The following CBFA2T2 variants were observed in gnomAD, a reference collection of about 807,000 sequenced individuals.
CBFA2T2 encodes CBFA2/RUNX1 partner transcriptional co-repressor 2, also known as protein CBFA2T2.
CBFA2T2 carries 11 observed loss-of-function variants against 62.2 expected under a neutral mutation model. The observed-to-expected ratio is 0.18, with a 90% CI of 0.11 to 0.29. The LOEUF is 0.29. Among genes scored for constraint, CBFA2T2 ranks in the 10% least tolerant of loss-of-function variants. The probability of loss-of-function intolerance (pLI) is 1.00; values close to 1 mark genes in which losing one functional copy is unlikely to be tolerated. For missense variants in CBFA2T2, 592 were observed against 774.1 expected, an observed-to-expected ratio of 0.76 and a Z score of 2.79; for synonymous variants, 295 against 287.5, an observed-to-expected ratio of 1.03 and a Z score of -0.27.
At chr20:33,548,045 A>G (rs2146882796) in intron 1 of CBFA2T2, among the ~76,000 whole-genome samples, 1 of 152,074 alleles carries the variant, frequency 6.6e-6, no homozygotes, top group East Asian at 1.9e-4. Flanking sequence ...TGCTGGGATT[A>G]CAGGCATGAG....
chr20:33,602,428 G>A (rs1270752376), intron 1 of CBFA2T2, among the ~76,000 whole-genome samples: 4 of 133,970 alleles, frequency 3.0e-5, no homozygotes, highest in African/African-American at 1.3e-4. Flanking sequence ...CTCTCTGCCA[G>A]TCTCTGATTA....
chr20:33,517,450 G>GTTT (rs773285489), intron 1 of CBFA2T2, among the ~76,000 whole-genome samples: 9 of 129,114 alleles, frequency 7.0e-5, no homozygotes, highest in South Asian at 2.4e-4. Context: ...GGTTTTTTTG[G>GTTT]TGTTTTTTTT....
At chr20:33,501,179 A>C (rs1041771958) in intron 1 of CBFA2T2, among the ~76,000 whole-genome samples, 1 of 152,198 alleles carries the variant, frequency 6.6e-6, no homozygotes, top group Non-Finnish European at 1.5e-5. Context: ...CTTTCAGTCA[A>C]ATTAGCTGAT....
Position 33,584,603 on chromosome 20 carries a change from G to C in CBFA2T2, c.35-22353G>C, listed in dbSNP as rs573722222. On this transcript the variant is annotated intron_variant, in intron 1 of 10. Transcript: ENST00000342704. ...TTAAGATTTTTCCCTCAGCCCATCA[G>C]GTAAGCTCTAGTCAGCTTCTTTAGC... Among the ~76,000 whole-genome samples, 312 of 152,146 alleles carry C rather than the reference G, an allele frequency of 2.1e-3. 3 individuals carry two copies. Among genetic ancestry groups the C allele is most frequent in the African/African-American group, 7.2e-3 (297 of 41,518 alleles).
chr20:33,572,391 TTGG>T (rs2013609053), intron 1 of CBFA2T2, among the ~76,000 whole-genome samples: 1 of 152,182 alleles, frequency 6.6e-6, no homozygotes, highest in African/African-American at 2.4e-5. Flanking sequence ...GATGAATTAA[TTGG>T]TGAATTTAGC....
chr20:33,500,712 AAAAT>A (rs1374106351), intron 1 of CBFA2T2, among the ~76,000 whole-genome samples: 1 of 152,194 alleles, frequency 6.6e-6, no homozygotes. Flanking sequence ...CTGTCTCAAA[AAAAT>A]AAATAAAAAT....
chr20:33,595,336 T>C (rs1445295141), intron 1 of CBFA2T2, among the ~76,000 whole-genome samples: 3 of 151,772 alleles, frequency 2.0e-5, no homozygotes, highest in Non-Finnish European at 2.9e-5. Context: ...CTCAGCCTCC[T>C]GAGTAGCTGG....
intron 1 of CBFA2T2, among the ~76,000 whole-genome samples, chr20:33,495,534 C>CA (rs1001584125): frequency 1.3e-5 from 2 of 151,168 alleles, no homozygotes; most frequent in African/African-American, 2.4e-5. Flanking sequence ...AAAAAACGTA[C>CA]AAAAAAAATC....
rs34528525 is a variant in CBFA2T2 at position 33,497,274 on chromosome 20, C to CAAAAAAAA, written c.34+6990_34+6997dup. Reference sequence around the variant, plus strand: ...GGTGACAAGAGCGAAACCCTGTCTCCAAAAAAAAAAAAAAAAAAAAAAAAG... The same window carrying CAAAAAAAA: ...GGTGACAAGAGCGAAACCCTGTCTCCAAAAAAAAAAAAAAAAAAAAAAAAAAAAAAAAG... On this transcript the variant is annotated intron_variant, in intron 1 of 10. Transcript: ENST00000342704. 8.6e-5 allele frequency among the ~76,000 whole-genome samples: 5 copies of CAAAAAAAA among 58,070 alleles called. No individual in the cohort carries two copies. In the South Asian group the frequency reaches 3.7e-3, roughly 43 times the overall value. 38.1% of individuals were successfully genotyped at this position (58,070 alleles called of 152,430 possible). A position where few individuals can be genotyped will look rare whatever the true frequency, so the allele number is the denominator to read the frequency against.
chr20:33,532,022 C>T (rs1251570862), intron 1 of CBFA2T2, among the ~76,000 whole-genome samples: 5 of 152,132 alleles, frequency 3.3e-5, no homozygotes, highest in Admixed American at 1.3e-4. Context: ...AGTGACCTCC[C>T]ATGAACCTAT....
At chr20:33,551,723 G>A (rs1163344048) in intron 1 of CBFA2T2, among the ~76,000 whole-genome samples, 3 of 151,690 alleles carry the variant, frequency 2.0e-5, no homozygotes, top group Admixed American at 6.6e-5. Flanking sequence ...GTAGAGACGG[G>A]GTTTCACCAT....
chr20:33,634,477 G>T (rs1346882202), intron 8 of CBFA2T2, among the ~76,000 whole-genome samples: 1 of 151,844 alleles, frequency 6.6e-6, no homozygotes, highest in African/African-American at 2.4e-5. Context: ...TTCAAGACCA[G>T]CCTGGGCAAC....
chr20:33,613,885 A>G (rs2015612389), intron 3 of CBFA2T2, among the ~76,000 whole-genome samples: 1 of 152,188 alleles, frequency 6.6e-6, no homozygotes, highest in Non-Finnish European at 1.5e-5. Context: ...TCCAGCAGCA[A>G]ATTAAGTATT....
intron 3 of CBFA2T2, among the ~76,000 whole-genome samples, chr20:33,617,451 G>C (rs547514592): frequency 3.9e-4 from 59 of 152,254 alleles, no homozygotes; most frequent in Middle Eastern, 3.4e-3. Context: ...CTCTCATACA[G>C]GACTGCCCTA....
At chr20:33,556,979 C>A (rs893768094) in intron 1 of CBFA2T2, among the ~76,000 whole-genome samples, 1 of 119,318 alleles carries the variant, frequency 8.4e-6, no homozygotes, top group Non-Finnish European at 1.8e-5. Flanking sequence ...CTCTTACTTT[C>A]TTGCCCAAGG....
intron 1 of CBFA2T2, among the ~76,000 whole-genome samples, chr20:33,584,468 A>G (rs1253235615): frequency 1.3e-5 from 2 of 150,178 alleles, no homozygotes; most frequent in Non-Finnish European, 3.0e-5. Context: ...TGTGTTTGCC[A>G]GGATGGTCTC....
chr20:33,595,533 T>C (rs941921144), intron 1 of CBFA2T2, among the ~76,000 whole-genome samples: 1 of 151,640 alleles, frequency 6.6e-6, no homozygotes, highest in African/African-American at 2.4e-5. Flanking sequence ...CGGTACTTGT[T>C]TTTTAATTTT....
intron 1 of CBFA2T2, among the ~76,000 whole-genome samples, chr20:33,508,353 C>G (rs1338761404): frequency 6.6e-6 from 1 of 152,110 alleles, no homozygotes; most frequent in Non-Finnish European, 1.5e-5. Context: ...CCCCGGCCTG[C>G]CAAAGTGCTG....
chr20:33,513,455 G>A (rs1045924587), intron 1 of CBFA2T2, among the ~76,000 whole-genome samples: 1 of 151,484 alleles, frequency 6.6e-6, no homozygotes, highest in African/African-American at 2.4e-5. Context: ...CACCTCTCAG[G>A]TTCAAGCGAT....
Sources: allele counts gnomAD v4.1 joint callset (sites outside exome capture counted in the v4.1 genomes callset), GRCh38; gene constraint gnomAD v4.1.1; transcripts MANE v1.5; gene names NCBI Gene and HGNC (gene_info 2026-07-23, HGNC 2026-07-21).